The following BPTF variants were observed in gnomAD, a reference collection of about 807,000 sequenced individuals.
BPTF encodes bromodomain PHD finger transcription factor.
Under a neutral mutation model 292.5 loss-of-function variants are expected in BPTF, and 18 were observed. The observed-to-expected ratio is 0.06, with a 90% CI of 0.04 to 0.09. The LOEUF is 0.09. BPTF is among the 10% of genes least tolerant of loss of function. The pLI, the probability that BPTF is intolerant of heterozygous loss-of-function variation, is 1.00. For missense variants in BPTF, 2,726 were observed against 3,498.7 expected (o/e 0.78, Z 5.57); for synonymous variants, 1,225 against 1,251.9 (o/e 0.98, Z 0.45).
chr17:67,919,898 T>G (rs1598657756), intron 12 of BPTF, 117 bp from the exon 13 acceptor site: 1 of 895,330 alleles, frequency 1.1e-6, no homozygotes, highest in East Asian at 2.5e-5. Flanking sequence ...GTTAATTAAG[T>G]CAGGTGTTTC....
chr17:67,931,302 AAATG>A (rs974697240), intron 17 of BPTF, among the ~76,000 whole-genome samples: 2 of 151,794 alleles, frequency 1.3e-5, no homozygotes, highest in Non-Finnish European at 2.9e-5. Flanking sequence ...CTAAATAAGT[AAATG>A]AATGAATGAA....
At chr17:67,962,651 T>C (rs2067631790) in intron 24 of BPTF, among the ~76,000 whole-genome samples, 1 of 152,262 alleles carries the variant, frequency 6.6e-6, no homozygotes, top group South Asian at 2.1e-4. Context: ...AAACATTATA[T>C]TAACAGGAAA....
intron 21 of BPTF, 27 bp from the exon 22 acceptor site, chr17:67,947,699 C>A (rs374379938): frequency 2.0e-6 from 3 of 1,525,378 alleles, no homozygotes; most frequent in Non-Finnish European, 1.8e-6. Context: ...ATAAAATATG[C>A]GCTTTTGGAT....
chr17:67,874,780 A>G (rs1319982030), intron 3 of BPTF, 37 bp from the exon 4 acceptor site: 1 of 1,409,642 alleles, frequency 7.1e-7, no homozygotes, highest in Non-Finnish European at 9.9e-7. Context: ...TTGGTTATAT[A>G]TAGGAATAAT....
chr17:67,839,379 C>G (rs2057384097), intron 1 of BPTF, among the ~76,000 whole-genome samples: 1 of 151,488 alleles, frequency 6.6e-6, no homozygotes, highest in Non-Finnish European at 1.5e-5. Flanking sequence ...CACATGTCAT[C>G]TTAGCATCTT....
intron 4 of BPTF, among the ~76,000 whole-genome samples, chr17:67,890,093 TTTTC>T (rs955952384): frequency 2.0e-5 from 3 of 152,226 alleles, no homozygotes; most frequent in East Asian, 3.8e-4. Context: ...TTGAATTGTA[TTTTC>T]TTTATTTCCA....
Position 67,945,624 on chromosome 17 carries a change from T to C in BPTF, c.6916T>C (p.Ser2306Pro). The C allele has an allele frequency of 6.2e-7, 1 of 1,613,736 alleles. No individual in the cohort carries two copies. Among genetic ancestry groups the C allele is most frequent in the Non-Finnish European group, 8.5e-7 (1 of 1,179,898 alleles). The change falls in exon 21 of 28, where the codon TCA becomes CCA. Residue 2306 changes from serine (S) to proline (P), a missense_variant. Physicochemically the swap from Ser to Pro is moderately conservative, Grantham distance 74 (BLOSUM62 -1). Transcript: ENST00000306378. The stretch of plus-strand genomic sequence containing the variant: ...TGAAGTTCAGACCCAAACAACTGTT[T>C]CATCCCATGTCCCTTCTGAAGCACA... ...QPEVQTQTTV[S>P]SHVPSEAQPT...
intron 1 of BPTF, among the ~76,000 whole-genome samples, chr17:67,829,187 A>T: frequency 1.3e-5 from 2 of 148,714 alleles, no homozygotes; most frequent in African/African-American, 2.5e-5. Flanking sequence ...TTTTCTGTGA[A>T]CGTTTTTCAT....
At position 67,948,318 on chromosome 17, in the gene BPTF, C is replaced by G. The variant is rs781858867; in HGVS notation, c.7926+12C>G. On this transcript the variant is annotated intron_variant, in intron 23 of 27. Coordinates refer to ENST00000306378, the MANE Select transcript of BPTF (RefSeq NM_182641.4). ...AAATTGAAGTGCAGGTAAGAGGGCA[C>G]ATCCTTTTCTTCTGTGTCCAGTGTT... is the stretch of plus-strand genomic sequence containing the variant. 3 of 1,601,336 alleles carry G rather than the reference C, an allele frequency of 1.9e-6. No individual in the cohort carries two copies.
At chr17:67,844,270 C>T (rs185910966) in intron 1 of BPTF, among the ~76,000 whole-genome samples, 265 of 145,728 alleles carry the variant, frequency 1.8e-3, no homozygotes, top group African/African-American at 6.4e-3. Context: ...TTTTTTGAGA[C>T]GGAGTCTAGC....
intron 27 of BPTF, 25 bp from the exon 28 acceptor site, chr17:67,982,227 G>T (rs782729018): frequency 6.2e-7 from 1 of 1,604,968 alleles, no homozygotes; most frequent in Non-Finnish European, 8.5e-7. Context: ...GTGCTTAATT[G>T]TTCCCTTTTT....
chr17:67,899,491 GC>G (rs2061673408), intron 7 of BPTF, among the ~76,000 whole-genome samples: 1 of 151,194 alleles, frequency 6.6e-6, no homozygotes, highest in African/African-American at 2.4e-5. Flanking sequence ...TAACAATACT[GC>G]TCTATGCAGG....
chr17:67,842,382 T>C (rs1471834481), intron 1 of BPTF, among the ~76,000 whole-genome samples: 1 of 152,190 alleles, frequency 6.6e-6, no homozygotes, highest in Non-Finnish European at 1.5e-5. Flanking sequence ...TTACATGTGA[T>C]AGTCCTCAGC....
intron 1 of BPTF, among the ~76,000 whole-genome samples, chr17:67,845,398 A>G (rs1288022430): frequency 6.6e-6 from 1 of 152,196 alleles, no homozygotes; most frequent in African/African-American, 2.4e-5. Flanking sequence ...ATTATCTGGC[A>G]TTTGAAGACA....
At chr17:67,880,766 A>G (rs1350319258) in intron 4 of BPTF, among the ~76,000 whole-genome samples, 1 of 152,076 alleles carries the variant, frequency 6.6e-6, no homozygotes, top group African/African-American at 2.4e-5. Context: ...CTTCCTAAGT[A>G]GCTGAAACTA....
chr17:67,910,057 G>A (rs546048963), intron 10 of BPTF, among the ~76,000 whole-genome samples: 9 of 152,280 alleles, frequency 5.9e-5, no homozygotes, highest in Admixed American at 5.2e-4. Flanking sequence ...CACCAGCTTA[G>A]TGGTCTACTT....
intron 18 of BPTF, among the ~76,000 whole-genome samples, chr17:67,933,933 C>T (rs1423530016): frequency 6.6e-6 from 1 of 151,492 alleles, no homozygotes; most frequent in African/African-American, 2.4e-5. Context: ...GTGGTGGGCA[C>T]CTTGGGAGGC....
intron 1 of BPTF, among the ~76,000 whole-genome samples, chr17:67,843,692 C>G (rs1195104237): frequency 6.7e-6 from 1 of 148,656 alleles, no homozygotes; most frequent in Non-Finnish European, 1.5e-5. Context: ...AGTTCTATCA[C>G]CTTTGGGTGT....
intron 7 of BPTF, among the ~76,000 whole-genome samples, chr17:67,901,649 G>A (rs1384280073): frequency 6.6e-6 from 1 of 152,186 alleles, no homozygotes; most frequent in East Asian, 1.9e-4. Context: ...TGAAAGGCCA[G>A]TAGACATAAA....
Sources: gnomAD v4.1 joint callset for allele counts (sites outside exome capture counted in the v4.1 genomes callset) on GRCh38, gnomAD v4.1.1 for gene constraint, MANE v1.5 for transcripts, NCBI Gene and HGNC (gene_info 2026-07-23, HGNC 2026-07-21) for gene names.